The following PRKN variants were observed in gnomAD, a reference collection of about 807,000 sequenced individuals.
PRKN encodes the protein E3 ubiquitin-protein ligase parkin.
PRKN carries 56 observed loss-of-function variants against 59.5 expected under a neutral mutation model. That is an observed-to-expected ratio of 0.94 (90% CI 0.76 to 1.18). The LOEUF is 1.18. Among genes scored for constraint, PRKN ranks in the 50% most tolerant of loss-of-function variants. The pLI is 0.00. For missense variants in PRKN, 657 were observed against 596.4 expected (o/e 1.10, Z -1.06); for synonymous variants, 250 against 222.1 (o/e 1.13, Z -1.12).
chr6:162,443,978 G>A (rs903559674), intron 1 of PRKN, among the ~76,000 whole-genome samples: 2 of 152,146 alleles, frequency 1.3e-5, no homozygotes, highest in African/African-American at 4.8e-5. Context: ...CCTAGACTTG[G>A]GTGGTCCTGG....
rs555611609 is a variant in PRKN, at chr6:162,009,204, G to C, written c.619-35787C>G. ...GGAGGTGGAGGTTGCAGTGAGCTGA[G>C]ATCACGCCACTGCACTCTAGCCTGG... On this transcript the variant is annotated intron_variant, in intron 5 of 11. Coordinates refer to ENST00000366898, the MANE Select transcript of PRKN (RefSeq NM_004562.3). Among the ~76,000 whole-genome samples, 4 of 151,962 alleles carry C rather than the reference G, an allele frequency of 2.6e-5. No individual in the cohort carries two copies. In the South Asian group the frequency reaches 8.3e-4, roughly 32 times the overall value.
chr6:162,012,947 CTGATTTTTATT>C (rs1782791609), intron 5 of PRKN, among the ~76,000 whole-genome samples: 1 of 152,052 alleles, frequency 6.6e-6, no homozygotes, highest in East Asian at 1.9e-4. Flanking sequence ...GTTAAGGTTC[CTGATTTTTATT>C]TTTATGTTGA....
intron 3 of PRKN, among the ~76,000 whole-genome samples, chr6:162,212,071 G>A (rs543263188): frequency 8.7e-4 from 133 of 152,184 alleles, no homozygotes; most frequent in Non-Finnish European, 1.6e-3. Flanking sequence ...ACTCTTCACT[G>A]GTACTGTGGG....
chr6:162,533,536 A>G (rs1414490488), intron 1 of PRKN, among the ~76,000 whole-genome samples: 1 of 152,062 alleles, frequency 6.6e-6, no homozygotes. Flanking sequence ...TCAAAAAAAG[A>G]CAAAAAATCC....
chr6:162,034,208 G>GAGAGAGAGAA (rs1307800456), intron 5 of PRKN, among the ~76,000 whole-genome samples: 1 of 151,260 alleles, frequency 6.6e-6, no homozygotes, highest in African/African-American at 2.4e-5. Flanking sequence ...GAGAGAGAGA[G>GAGAGAGAGAA]AGAGAGAGAG....
intron 1 of PRKN, among the ~76,000 whole-genome samples, chr6:162,444,458 C>G (rs1283555291): frequency 6.6e-6 from 1 of 151,760 alleles, no homozygotes; most frequent in Admixed American, 6.6e-5. Context: ...TCATTAATCT[C>G]CATGTGTACT....
intron 7 of PRKN, among the ~76,000 whole-genome samples, chr6:161,694,423 T>G (rs923844242): frequency 3.0e-4 from 45 of 151,576 alleles, no homozygotes; most frequent in African/African-American, 1.0e-3. Flanking sequence ...CCCTTTGGGG[T>G]TTTTTTTTAA....
At chr6:161,902,560 A>ATCTATTTTTTTTTTTTTTTTTTTT in intron 6 of PRKN, among the ~76,000 whole-genome samples, 1 of 125,328 alleles carries the variant, frequency 8.0e-6, no homozygotes, top group Non-Finnish European at 1.6e-5. Context: ...TTATTTATTT[A>ATCTATTTTTTTTTTTTTTTTTTTT]TTTATTTTTT....
intron 1 of PRKN, among the ~76,000 whole-genome samples, chr6:162,552,217 A>C (rs1779357722): frequency 6.6e-6 from 1 of 152,202 alleles, no homozygotes; most frequent in Admixed American, 6.5e-5. Context: ...GACAGCAAAG[A>C]CAGAGACCAG....
At position 161,390,416 on chromosome 6, in the gene PRKN, T is replaced by C. The variant is rs945589592; in HGVS notation, c.1084-3539A>G. Reference sequence around the variant, plus strand: ...TGGTGACATTGTATCTTTGCAAAGGTGGGCTTTTGGAAGTTACCAGAATAG... The same window carrying C: ...TGGTGACATTGTATCTTTGCAAAGGCGGGCTTTTGGAAGTTACCAGAATAG... On this transcript the variant is annotated intron_variant, in intron 9 of 11. Coordinates refer to ENST00000366898, the MANE Select transcript of PRKN (RefSeq NM_004562.3). The surrounding 1 kb of genome is among the most constrained non-coding windows in gnomAD (Gnocchi z 7.0). Among the ~76,000 whole-genome samples the C allele has an allele frequency of 1.3e-5, 2 of 152,232 alleles. No homozygotes were observed. The highest frequency in any genetic ancestry group is 4.8e-5 in the African/African-American group (2 of 41,468).
intron 1 of PRKN, among the ~76,000 whole-genome samples, chr6:162,627,159 G>GAAAT (rs1782928858): frequency 6.6e-6 from 1 of 152,086 alleles, no homozygotes; most frequent in East Asian, 1.9e-4. Flanking sequence ...TGAAAATGAT[G>GAAAT]GACAATTTCT....
At chr6:162,450,296 C>A (rs1284557780) in intron 1 of PRKN, among the ~76,000 whole-genome samples, 2 of 152,008 alleles carry the variant, frequency 1.3e-5, no homozygotes, top group South Asian at 4.2e-4. Flanking sequence ...GAGTGTAACA[C>A]CCCTGTGAAT....
At chr6:161,743,365 G>T (rs996964024) in intron 7 of PRKN, among the ~76,000 whole-genome samples, 1 of 149,018 alleles carries the variant, frequency 6.7e-6, no homozygotes, top group Non-Finnish European at 1.5e-5. Context: ...GACTACAGGC[G>T]CCCGCCACCA....
chr6:162,655,727 G>C (rs1287421201), intron 1 of PRKN, among the ~76,000 whole-genome samples: 1 of 152,086 alleles, frequency 6.6e-6, no homozygotes, highest in East Asian at 1.9e-4. Context: ...AGCCACACTT[G>C]GGTCATCATT....
intron 2 of PRKN, among the ~76,000 whole-genome samples, chr6:162,349,407 C>G (rs962712930): frequency 6.6e-6 from 1 of 152,152 alleles, no homozygotes; most frequent in East Asian, 1.9e-4. Context: ...GCAGAGGTTG[C>G]AGTGAGCTGA....
chr6:162,377,772 G>A (rs1311631326), intron 2 of PRKN, among the ~76,000 whole-genome samples: 1 of 152,192 alleles, frequency 6.6e-6, no homozygotes, highest in Non-Finnish European at 1.5e-5. Context: ...GGACAGCACG[G>A]AGATTAGCAA....
At chr6:161,740,017 A>T (rs1788122940) in intron 7 of PRKN, among the ~76,000 whole-genome samples, 2 of 152,182 alleles carry the variant, frequency 1.3e-5, no homozygotes, top group Admixed American at 1.3e-4. Context: ...GTCCTCCCAA[A>T]GTGCTGGGAT....
At chr6:162,581,871 G>C (rs1323615137) in intron 1 of PRKN, among the ~76,000 whole-genome samples, 1 of 152,112 alleles carries the variant, frequency 6.6e-6, no homozygotes, top group Non-Finnish European at 1.5e-5. Flanking sequence ...ATTTATCTTT[G>C]GAATATAGTT....
At chr6:162,623,346 T>A (rs949645092) in intron 1 of PRKN, among the ~76,000 whole-genome samples, 2 of 152,174 alleles carry the variant, frequency 1.3e-5, no homozygotes, top group Non-Finnish European at 2.9e-5. Context: ...ATTTCTGAAA[T>A]CAGTGATCAC....
Sources: gnomAD v4.1 joint callset for allele counts (sites outside exome capture counted in the v4.1 genomes callset) on GRCh38, gnomAD v4.1.1 for gene constraint, Gnocchi (gnomAD v3.1) non-coding constraint, MANE v1.5 for transcripts, NCBI Gene and HGNC (gene_info 2026-07-23, HGNC 2026-07-21) for gene names.